Variants in ZNF385D observed in about 807,000 individuals in gnomAD.
ZNF385D encodes zinc finger protein 659.
ZNF385D carries 15 observed loss-of-function variants against 35.8 expected under a neutral mutation model. That is an observed-to-expected ratio of 0.42 (90% CI 0.28 to 0.64). The LOEUF is 0.64. Among genes scored for constraint, ZNF385D ranks in the 30% least tolerant of loss-of-function variants. The pLI is 0.23. For missense variants in ZNF385D, 474 were observed against 494.6 expected, an observed-to-expected ratio of 0.96 and a Z score of 0.39; for synonymous variants, 212 against 186.8, an observed-to-expected ratio of 1.13 and a Z score of -1.10.
intron 2 of ZNF385D, among the ~76,000 whole-genome samples, chr3:22,362,285 ATTTT>A (rs377512433): frequency 5.3e-5 from 8 of 151,364 alleles, no homozygotes; most frequent in Middle Eastern, 3.4e-3. Flanking sequence ...ACTTGCATTG[ATTTT>A]TTTTTATTTA....
intron 4 of ZNF385D, among the ~76,000 whole-genome samples, chr3:21,488,907 T>C (rs1165260177): frequency 6.6e-6 from 1 of 152,148 alleles, no homozygotes; most frequent in Admixed American, 6.6e-5. Context: ...AGGTAGAACT[T>C]AGAATTGGAT....
chr3:21,978,119 CTGTTTTG>C (rs1267244045), intron 3 of ZNF385D: 2 of 140,804 alleles, frequency 1.4e-5, no homozygotes, highest in African/African-American at 2.5e-5. Context: ...TTACCCTGTT[CTGTTTTG>C]TGTTTTTATT....
intron 2 of ZNF385D, among the ~76,000 whole-genome samples, chr3:22,231,122 C>T (rs1489629144): frequency 2.0e-5 from 3 of 152,068 alleles, no homozygotes; most frequent in Non-Finnish European, 4.4e-5. Context: ...ACAATAGGAA[C>T]AGGGCAAAAG....
chr3:21,635,304 G>T (rs1168838801), intron 2 of ZNF385D, among the ~76,000 whole-genome samples: 2 of 152,032 alleles, frequency 1.3e-5, no homozygotes, highest in Non-Finnish European at 2.9e-5. Context: ...TCTCTAATAG[G>T]TAAAATGTAT....
At chr3:21,699,107 G>C (rs1168690123) in intron 1 of ZNF385D, among the ~76,000 whole-genome samples, 1 of 152,306 alleles carries the variant, frequency 6.6e-6, no homozygotes, top group East Asian at 1.9e-4. Flanking sequence ...ATCAATGATA[G>C]ACTGGATAAA....
intron 2 of ZNF385D, among the ~76,000 whole-genome samples, chr3:22,179,937 A>G (rs1425919433): frequency 1.3e-5 from 2 of 151,802 alleles, no homozygotes; most frequent in Admixed American, 1.3e-4. Flanking sequence ...AACAAAGATC[A>G]GAGCAGAACT....
chr3:22,238,827 G>A (rs1699335033), intron 2 of ZNF385D, among the ~76,000 whole-genome samples: 1 of 150,634 alleles, frequency 6.6e-6, no homozygotes, highest in African/African-American at 2.5e-5. Flanking sequence ...TGAACTCCTA[G>A]GTGCAAATGA....
intron 3 of ZNF385D, among the ~76,000 whole-genome samples, chr3:21,871,701 G>C (rs1479129324): frequency 6.6e-6 from 1 of 152,012 alleles, no homozygotes; most frequent in Non-Finnish European, 1.5e-5. Context: ...CTGAACTTAG[G>C]AACAGTTTTA....
chr3:21,845,960 TGTAAA>T (rs1695979159), intron 3 of ZNF385D, among the ~76,000 whole-genome samples: 1 of 152,008 alleles, frequency 6.6e-6, no homozygotes, highest in Non-Finnish European at 1.5e-5. Flanking sequence ...TTACACAATA[TGTAAA>T]GTACTTAAAG....
intron 2 of ZNF385D, among the ~76,000 whole-genome samples, chr3:21,590,825 T>C (rs1008694451): frequency 2.6e-5 from 4 of 152,084 alleles, no homozygotes; most frequent in Non-Finnish European, 4.4e-5. Context: ...TTTTAGAAAG[T>C]AAATTAAAAT....
intron 3 of ZNF385D, among the ~76,000 whole-genome samples, chr3:21,988,963 T>G (rs1432204754): frequency 6.6e-6 from 1 of 151,372 alleles, no homozygotes; most frequent in East Asian, 1.9e-4. Context: ...TTCTTTGACT[T>G]GGACCCCTTG....
intron 2 of ZNF385D, among the ~76,000 whole-genome samples, chr3:22,283,019 G>A (rs1038820608): frequency 6.6e-6 from 1 of 152,036 alleles, no homozygotes; most frequent in Non-Finnish European, 1.5e-5. Flanking sequence ...GACACCAAAA[G>A]TGAGCAGGAG....
At chr3:21,548,554 ACT>A (rs1461627337) in intron 3 of ZNF385D, among the ~76,000 whole-genome samples, 1 of 152,124 alleles carries the variant, frequency 6.6e-6, no homozygotes, top group Non-Finnish European at 1.5e-5. Flanking sequence ...AATGAAATAG[ACT>A]CTCAACACAG....
At chr3:21,570,518 A>G (rs2063303768) in intron 2 of ZNF385D, among the ~76,000 whole-genome samples, 1 of 151,790 alleles carries the variant, frequency 6.6e-6, no homozygotes, top group African/African-American at 2.4e-5. Flanking sequence ...TTCTTAAACC[A>G]AAGAATAATA....
chr3:22,364,446 C>G (rs985973166), intron 2 of ZNF385D, among the ~76,000 whole-genome samples: 35 of 151,964 alleles, frequency 2.3e-4, no homozygotes, highest in Middle Eastern at 6.8e-3. Context: ...AAGGACTTGA[C>G]TAAATATTGC....
intron 4 of ZNF385D, among the ~76,000 whole-genome samples, chr3:21,472,635 A>G (rs1703976306): frequency 1.3e-5 from 2 of 152,196 alleles, no homozygotes; most frequent in African/African-American, 4.8e-5. Flanking sequence ...TGCATCTTAA[A>G]TTATGGGTAT....
intron 2 of ZNF385D, among the ~76,000 whole-genome samples, chr3:22,221,267 A>C (rs1698239390): frequency 6.6e-6 from 1 of 152,140 alleles, no homozygotes; most frequent in Non-Finnish European, 1.5e-5. Context: ...AGAATATTAG[A>C]ATCAACTTTT....
At chr3:21,787,529 G>A (rs904617390) in intron 3 of ZNF385D, among the ~76,000 whole-genome samples, 3 of 151,674 alleles carry the variant, frequency 2.0e-5, no homozygotes, top group African/African-American at 7.3e-5. Context: ...AAGAGTAGAA[G>A]CCCTTTCTTA....
intron 3 of ZNF385D, among the ~76,000 whole-genome samples, chr3:21,916,867 C>G (rs1700215558): frequency 6.6e-6 from 1 of 152,124 alleles, no homozygotes; most frequent in Non-Finnish European, 1.5e-5. Flanking sequence ...CTTTAGATCT[C>G]AATTAACATT....
Sources: allele counts gnomAD v4.1 joint callset (sites outside exome capture counted in the v4.1 genomes callset), GRCh38; gene constraint gnomAD v4.1.1; transcripts MANE v1.5; gene names NCBI Gene and HGNC (gene_info 2026-07-23, HGNC 2026-07-21).